Variants in LTBP1 observed in about 807,000 individuals in gnomAD.
LTBP1 encodes latent-transforming growth factor beta-binding protein 1.
Under a neutral mutation model 207.6 loss-of-function variants are expected in LTBP1, and 129 were observed. The observed-to-expected ratio is 0.62, with a 90% confidence interval of 0.54 to 0.72. The LOEUF is 0.72. Among genes scored for constraint, LTBP1 ranks in the 30% least tolerant of loss-of-function variants. The pLI is 0.00. For synonymous variants in LTBP1, 963 were observed against 833.7 expected, an observed-to-expected ratio of 1.16 and a Z score of -2.67; for missense variants, 2,281 against 2,217.2, an observed-to-expected ratio of 1.03 and a Z score of -0.58.
chr2:33,353,274 C>T (rs2094807722), intron 26 of LTBP1, among the ~76,000 whole-genome samples: 1 of 152,110 alleles, frequency 6.6e-6, no homozygotes, highest in Admixed American at 6.5e-5. Context: ...CCACTGTGCC[C>T]GTCTTCTTGT....
At chr2:33,340,063 T>C (rs377679844) in intron 24 of LTBP1, among the ~76,000 whole-genome samples, 34 of 151,852 alleles carry the variant, frequency 2.2e-4, no homozygotes, top group Admixed American at 1.8e-3. Flanking sequence ...ATGGAAATGA[T>C]TAAGAAATGT....
chr2:32,995,931 A>G lies in LTBP1; in HGVS notation c.566-24978A>G, dbSNP rs565795506. Reference sequence around the variant, plus strand: ...TTTATAGATGAGGAAATCGAGGTCTATTGAGTTTAACCCTAGTCCTAACCT... The same window carrying G: ...TTTATAGATGAGGAAATCGAGGTCTGTTGAGTTTAACCCTAGTCCTAACCT... On this transcript the variant is annotated intron_variant, in intron 2 of 33. Coordinates refer to ENST00000404816, the MANE Select transcript of LTBP1 (RefSeq NM_206943.4). 1.4e-4 allele frequency among the ~76,000 whole-genome samples: 22 copies of G among 152,338 alleles called. No individual in the cohort carries two copies. The South Asian group carries it at 3.5e-3, about 24-fold the overall frequency.
chr2:33,293,330 A>G, intron 20 of LTBP1, 48 bp downstream of exon 20: 1 of 1,563,814 alleles, frequency 6.4e-7, no homozygotes, highest in Non-Finnish European at 8.6e-7. Flanking sequence ...CTTCATTTAA[A>G]TATAGATTAG....
intron 8 of LTBP1, among the ~76,000 whole-genome samples, chr2:33,218,857 A>G (rs2090903684): frequency 6.6e-6 from 1 of 152,212 alleles, no homozygotes; most frequent in Admixed American, 6.5e-5. Context: ...TTGTACTGCA[A>G]GAAATTTCTC....
At chr2:33,048,813 A>G (rs1183497672) in intron 3 of LTBP1, among the ~76,000 whole-genome samples, 1 of 152,200 alleles carries the variant, frequency 6.6e-6, no homozygotes, top group Non-Finnish European at 1.5e-5. Context: ...TTTAATAATG[A>G]GATTGAGAAT....
Position 33,273,741 on chromosome 2 carries a change from C to T in LTBP1, c.2703C>T (p.Tyr901=). The part of the protein sequence containing the change: ...NLPVRYTCIC[Y]EGYRFSEQQR... ...CAGTGAGATATACCTGTATATGCTA[C>T]GAGGGCTACAGGTTCAGTGAACAAC... Residue 901 remains tyrosine (Y), a synonymous_variant, in exon 16 of 34, where the codon TAC becomes TAT. Coordinates refer to ENST00000404816, the MANE Select transcript of LTBP1 (RefSeq NM_206943.4). 1 of 1,610,774 alleles carries T rather than the reference C, an allele frequency of 6.2e-7. No homozygotes were observed. The highest frequency in any genetic ancestry group is 1.1e-5 in the South Asian group (1 of 90,590).
intron 3 of LTBP1, among the ~76,000 whole-genome samples, chr2:33,086,422 A>AT: frequency 6.6e-6 from 1 of 152,306 alleles, no homozygotes; most frequent in Non-Finnish European, 1.5e-5. Context: ...TCCAGAATCC[A>AT]TTTGGTGCCT....
intron 3 of LTBP1, among the ~76,000 whole-genome samples, chr2:33,053,015 T>C (rs219071): frequency 0.88 from 133,902 of 152,010 alleles, 61,202 homozygotes; most frequent in East Asian, 1. Flanking sequence ...GGATTACAGG[T>C]GCATACCACC....
intron 7 of LTBP1, among the ~76,000 whole-genome samples, chr2:33,208,687 G>A (rs1558817143): frequency 6.6e-6 from 1 of 152,150 alleles, no homozygotes; most frequent in African/African-American, 2.4e-5. Context: ...CTGCCCTGGA[G>A]CTTTCATAAA....
At chr2:33,272,967 A>G (rs142925938) in intron 15 of LTBP1, among the ~76,000 whole-genome samples, 21 of 152,260 alleles carry the variant, frequency 1.4e-4, no homozygotes, top group African/African-American at 5.1e-4. Context: ...GCTAATCTGT[A>G]CAGGATATAT....
intron 3 of LTBP1, among the ~76,000 whole-genome samples, chr2:33,074,231 T>C (rs1000492052): frequency 2.0e-5 from 3 of 152,228 alleles, no homozygotes; most frequent in Admixed American, 6.5e-5. Context: ...TAAGAATTGA[T>C]AGAAAAGAGA....
chr2:33,293,530 AT>A (rs1435433584), intron 20 of LTBP1, among the ~76,000 whole-genome samples: 7 of 151,708 alleles, frequency 4.6e-5, no homozygotes, highest in African/African-American at 1.2e-4. Flanking sequence ...GTTCATCTAA[AT>A]TTTTTTTTCT....
chr2:33,009,555 C>T (rs1687390674), intron 2 of LTBP1, among the ~76,000 whole-genome samples: 1 of 152,010 alleles, frequency 6.6e-6, no homozygotes, highest in East Asian at 1.9e-4. Flanking sequence ...ATCTGTTAAG[C>T]CAAAGAACGC....
chr2:33,178,209 G>A (rs76017465), intron 5 of LTBP1, among the ~76,000 whole-genome samples: 1 of 152,290 alleles, frequency 6.6e-6, no homozygotes, highest in East Asian at 1.9e-4. Flanking sequence ...TTTTCCTAAG[G>A]GGGACAGAGC....
At chr2:33,190,858 G>A (rs556285767) in intron 7 of LTBP1, among the ~76,000 whole-genome samples, 40 of 152,268 alleles carry the variant, frequency 2.6e-4, no homozygotes, top group African/African-American at 7.9e-4. Context: ...GGGACCTAAC[G>A]TGGCTTTTCA....
intron 9 of LTBP1, among the ~76,000 whole-genome samples, chr2:33,226,885 C>T (rs986910512): frequency 6.6e-6 from 1 of 151,926 alleles, no homozygotes; most frequent in Non-Finnish European, 1.5e-5. Flanking sequence ...CTGCTGATCT[C>T]CTACCTCATA....
intron 24 of LTBP1, among the ~76,000 whole-genome samples, chr2:33,335,920 A>G (rs2094549006): frequency 6.6e-6 from 1 of 152,064 alleles, no homozygotes; most frequent in African/African-American, 2.4e-5. Context: ...ATAGTGGGCC[A>G]TTTTCTTCTT....
At chr2:33,018,653 A>T (rs1032885831) in intron 2 of LTBP1, among the ~76,000 whole-genome samples, 3 of 152,200 alleles carry the variant, frequency 2.0e-5, no homozygotes, top group African/African-American at 7.2e-5. Context: ...TCAGTTGGTC[A>T]GGAAACTCTG....
chr2:33,097,946 C>T (rs2150102589), intron 3 of LTBP1, among the ~76,000 whole-genome samples: 1 of 152,274 alleles, frequency 6.6e-6, no homozygotes, highest in African/African-American at 2.4e-5. Flanking sequence ...TATATCCTTA[C>T]ATACTAGACT....
Sources: allele counts gnomAD v4.1 joint callset (sites outside exome capture counted in the v4.1 genomes callset), GRCh38; gene constraint gnomAD v4.1.1; transcripts MANE v1.5; gene names NCBI Gene and HGNC (gene_info 2026-07-23, HGNC 2026-07-21).